Variants in PARD3 observed in about 807,000 individuals in gnomAD.
PARD3 encodes par-3 family cell polarity regulator, also known as partitioning defective 3 homolog.
A neutral mutation model predicts 155.4 loss-of-function variants in PARD3; 75 were observed. That is an observed-to-expected ratio of 0.48 (90% CI 0.40 to 0.58). The LOEUF (loss-of-function observed/expected upper bound fraction) is 0.58, where lower values mean the gene tolerates loss of function less well. Among genes scored for constraint, PARD3 ranks in the 20% least tolerant of loss-of-function variants. PARD3 has a pLI of 0.00. For synonymous variants in PARD3, 576 were observed against 610.5 expected (o/e 0.94, Z 0.83); for missense variants, 1,642 against 1,721.7 (o/e 0.95, Z 0.82).
rs535786390 is a variant in PARD3, at chr10:34,537,722, C to T, written c.223-20563G>A. On this transcript the variant is annotated intron_variant, in intron 2 of 24. Coordinates refer to ENST00000374788, the MANE Select transcript of PARD3 (RefSeq NM_001184785.2). Reference sequence around the variant, plus strand: ...ATACAAAGAAAAGCCATTGCTTAGACATCTAAAATCAGTTATGTCTTTCAA... The same window carrying T: ...ATACAAAGAAAAGCCATTGCTTAGATATCTAAAATCAGTTATGTCTTTCAA... Among the ~76,000 whole-genome samples the T allele has an allele frequency of 5.9e-5, 9 of 152,344 alleles. No individual in the cohort carries two copies. In the East Asian group the frequency reaches 1.7e-3, roughly 29 times the overall value.
intron 2 of PARD3, among the ~76,000 whole-genome samples, chr10:34,693,540 G>C (rs112956786): frequency 6.6e-5 from 10 of 152,290 alleles, no homozygotes; most frequent in East Asian, 1.9e-4. Flanking sequence ...TGGACATAAA[G>C]AGGAAAACAA....
rs544091053 is a variant in PARD3 at position 34,579,430 on chromosome 10, T to C, written c.223-62271A>G. On this transcript the variant is annotated intron_variant, in intron 2 of 24. Coordinates refer to ENST00000374788, the MANE Select transcript of PARD3 (RefSeq NM_001184785.2). ...CGCCCCCTGCCCCTCCCAGGTGCCC[T>C]AGATGAACTTAGTTTCCTCACTCAT... 2.0e-5 allele frequency among the ~76,000 whole-genome samples: 3 copies of C among 152,156 alleles called. No individual in the cohort carries two copies. In the East Asian group the frequency reaches 5.8e-4, roughly 29 times the overall value.
intron 1 of PARD3, among the ~76,000 whole-genome samples, chr10:34,766,573 C>A (rs11009927): frequency 0.02 from 2,959 of 145,444 alleles, 92 homozygotes; most frequent in African/African-American, 0.072. Context: ...TAGACATCAG[C>A]CAAGATTCCT....
intron 2 of PARD3, among the ~76,000 whole-genome samples, chr10:34,694,470 CTT>C (rs34628015): frequency 0.27 from 27,334 of 101,856 alleles, 3,804 homozygotes; most frequent in Non-Finnish European, 0.33. Flanking sequence ...AAAACTTCTG[CTT>C]TTTTTTTTTT....
chr10:34,568,093 G>C (rs541144523), intron 2 of PARD3, among the ~76,000 whole-genome samples: 1 of 152,274 alleles, frequency 6.6e-6, no homozygotes, highest in Non-Finnish European at 1.5e-5. Flanking sequence ...CTGCCTCCCA[G>C]TGTCCATCTG....
chr10:34,461,503 G>C (rs147345360), intron 4 of PARD3, among the ~76,000 whole-genome samples: 3 of 152,264 alleles, frequency 2.0e-5, no homozygotes, highest in Non-Finnish European at 2.9e-5. Flanking sequence ...CTACTGGGGG[G>C]GCTGAGGCAG....
At chr10:34,447,147 G>A (rs1009349696) in intron 5 of PARD3, among the ~76,000 whole-genome samples, 3 of 151,960 alleles carry the variant, frequency 2.0e-5, no homozygotes, top group Non-Finnish European at 4.4e-5. Flanking sequence ...CAAAAGCAAG[G>A]TAGGACATCA....
In PARD3 at chr10:34,495,516, C is replaced by T. The variant is rs2046459420; in HGVS notation, c.403+21463G>A. Among the ~76,000 whole-genome samples the T allele has an allele frequency of 2.0e-5, 3 of 152,074 alleles. No individual in the cohort carries two copies. The South Asian group carries it at 6.2e-4, about 31-fold the overall frequency. On this transcript the variant is annotated intron_variant, in intron 3 of 24. Transcript: ENST00000374788. ...AGAGCCAGCGTGCTCCTGATGTTAA[C>T]TTACTTTAAGCATTTGCAAAATAAA...
chr10:34,279,719 A>G (rs1956072032), intron 21 of PARD3, among the ~76,000 whole-genome samples: 1 of 152,162 alleles, frequency 6.6e-6, no homozygotes, highest in Admixed American at 6.5e-5. Context: ...CATGCAGAAA[A>G]TCCACATAAA....
rs1298183705 is a variant in PARD3 at position 34,341,666 on chromosome 10, C to T, written c.2369G>A (p.Gly790Asp). The part of the protein sequence containing the change: ...DDVGFVTADA[G>D]TWAKAAISDS... ...ACTGATTGCAGCCTTGGCCCAAGTA[C>T]CAGCATCTGCCGTCACAAACCCCAC... Residue 790 changes from glycine to aspartate, a missense_variant, in exon 16 of 25, where the codon GGT (glycine) becomes GAT (aspartate). Physicochemically the swap from Gly to Asp is moderately conservative, Grantham distance 94. Transcript: ENST00000374788. 6.2e-7 allele frequency: 1 copy of T among 1,613,582 alleles called. No individual in the cohort carries two copies. Among genetic ancestry groups the T allele is most frequent in the East Asian group, 2.2e-5 (1 of 44,858 alleles).
At chr10:34,414,249 C>A (rs1312668589) in intron 5 of PARD3, among the ~76,000 whole-genome samples, 1 of 151,308 alleles carries the variant, frequency 6.6e-6, no homozygotes, top group African/African-American at 2.4e-5. Context: ...GGGGGAGAAA[C>A]AAATATCATC....
chr10:34,335,651 T>TTA (rs1836096936), intron 18 of PARD3, among the ~76,000 whole-genome samples: 2 of 152,076 alleles, frequency 1.3e-5, no homozygotes, highest in Admixed American at 1.3e-4. Flanking sequence ...GCCATATGCA[T>TTA]TATATAGTCT....
intron 21 of PARD3, among the ~76,000 whole-genome samples, chr10:34,271,504 C>A (rs1955609332): frequency 6.6e-6 from 1 of 152,100 alleles, no homozygotes; most frequent in Admixed American, 6.5e-5. Context: ...AAATTCAACA[C>A]CCATCATGTC....
At chr10:34,733,098 A>G (rs1454315859) in intron 1 of PARD3, among the ~76,000 whole-genome samples, 1 of 152,224 alleles carries the variant, frequency 6.6e-6, no homozygotes, top group East Asian at 1.9e-4. Flanking sequence ...GGAAACAAGA[A>G]GCTCACCTCT....
rs78373661 is a variant in PARD3 at position 34,468,539 on chromosome 10, T to C, written c.582+1546A>G. Among the ~76,000 whole-genome samples the C allele has an allele frequency of 3.9e-3, 594 of 152,374 alleles. 3 individuals carry two copies. The highest frequency in any genetic ancestry group is 0.013 in the African/African-American group (561 of 41,596). ...TGAGACCCACTGATAAACTGGATTC[T>C]GCTTCTTTGGATAGTCTACTGCAAG... is the stretch of plus-strand genomic sequence containing the variant. On this transcript the variant is annotated intron_variant, in intron 4 of 24. Transcript: ENST00000374788.
intron 21 of PARD3, among the ~76,000 whole-genome samples, chr10:34,277,593 T>C (rs1357780481): frequency 6.6e-6 from 1 of 152,190 alleles, no homozygotes; most frequent in Non-Finnish European, 1.5e-5. Flanking sequence ...TGAAAACAAC[T>C]GTTTTAAAGG....
chr10:34,684,774 TACATAC>T (rs1195923465), intron 2 of PARD3, among the ~76,000 whole-genome samples: 9 of 109,212 alleles, frequency 8.2e-5, no homozygotes, highest in South Asian at 2.9e-4. Flanking sequence ...GGCTTGATGA[TACATAC>T]ACACACACAC....
rs551959784 is a variant in PARD3, at chr10:34,343,769, C to G, written c.2219-1953G>C. 66 of 984,880 alleles carry G rather than the reference C, an allele frequency of 6.7e-5. No individual in the cohort carries two copies. The South Asian group carries it at 2.7e-3, about 41-fold the overall frequency. The allele number at this position is 984,880 out of a possible 1,614,324, so 61.0% of individuals were successfully genotyped here. A position where few individuals can be genotyped will look rare whatever the true frequency, so the allele number is the denominator to read the frequency against. Reference sequence around the variant, plus strand: ...GACTTGAGAAGGCTTCAATTTATTTCTGATAGGTAAACTTTCCTCTATCTT... The same window carrying G: ...GACTTGAGAAGGCTTCAATTTATTTGTGATAGGTAAACTTTCCTCTATCTT... On this transcript the variant is annotated intron_variant, in intron 15 of 24. Coordinates refer to ENST00000374788, the MANE Select transcript of PARD3 (RefSeq NM_001184785.2).
chr10:34,405,187 G>A (rs1164521563), intron 5 of PARD3, among the ~76,000 whole-genome samples: 1 of 151,834 alleles, frequency 6.6e-6, no homozygotes, highest in East Asian at 1.9e-4. Context: ...GCATTACATG[G>A]TGCCTGACAC....
Sources: allele counts gnomAD v4.1 joint callset (sites outside exome capture counted in the v4.1 genomes callset), GRCh38; gene constraint gnomAD v4.1.1; transcripts MANE v1.5; gene names NCBI Gene and HGNC (gene_info 2026-07-23, HGNC 2026-07-21).